The following RALGPS1 variants were observed in gnomAD, a reference collection of about 807,000 sequenced individuals.
The protein encoded by RALGPS1 is Ral GEF with PH domain and SH3 binding motif 1, also known as ras-specific guanine nucleotide-releasing factor RalGPS1.
Under a neutral mutation model 78.8 loss-of-function variants are expected in RALGPS1, and 19 were observed. The observed-to-expected ratio is 0.24, with a 90% confidence interval of 0.17 to 0.35. The LOEUF (loss-of-function observed/expected upper bound fraction) is 0.35, where lower values mean the gene tolerates loss of function less well. Among genes scored for constraint, RALGPS1 ranks in the 10% least tolerant of loss-of-function variants. The pLI is 1.00. For synonymous variants in RALGPS1, 228 were observed against 256.3 expected, an observed-to-expected ratio of 0.89 and a Z score of 1.06; for missense variants, 454 against 688.3, an observed-to-expected ratio of 0.66 and a Z score of 3.81.
At chr9:127,124,894 C>T (rs2056494656) in intron 8 of RALGPS1, among the ~76,000 whole-genome samples, 1 of 152,178 alleles carries the variant, frequency 6.6e-6, no homozygotes, top group Admixed American at 6.5e-5. Flanking sequence ...AGCACAAGCC[C>T]CTTGGTTACT....
intron 1 of RALGPS1, among the ~76,000 whole-genome samples, chr9:126,956,677 CTGA>C (rs1564304835): frequency 6.6e-6 from 1 of 152,166 alleles, no homozygotes; most frequent in African/African-American, 2.4e-5. Flanking sequence ...GAACCCACTG[CTGA>C]TGATCCCCTT....
Position 127,212,111 on chromosome 9 carries a change from G to C in RALGPS1, c.1248-20G>C. The C allele has an allele frequency of 1.3e-6, 2 of 1,596,484 alleles. No individual in the cohort carries two copies. The highest frequency in any genetic ancestry group is 1.7e-6 in the Non-Finnish European group (2 of 1,170,116). ...CCTCAGCTCCTCCAGGGCGATGTCT[G>C]ACTGGTAGTCTCTCCTCAGCCCCAC... On this transcript the variant is annotated intron_variant, in intron 14 of 18. Coordinates refer to ENST00000259351, the MANE Select transcript of RALGPS1 (RefSeq NM_014636.3). The surrounding 1 kb of genome is among the most constrained non-coding windows in gnomAD (Gnocchi z 6.0).
At chr9:126,928,474 C>T (rs2035503567) in intron 1 of RALGPS1, among the ~76,000 whole-genome samples, 1 of 152,212 alleles carries the variant, frequency 6.6e-6, no homozygotes. Context: ...ATATGTGTAC[C>T]AGTACAGAAC....
chr9:126,982,938 T>C (rs1367613472), intron 4 of RALGPS1, among the ~76,000 whole-genome samples: 2 of 127,160 alleles, frequency 1.6e-5, no homozygotes, highest in Non-Finnish European at 3.4e-5. Flanking sequence ...CTTTTTTTTT[T>C]TTTTTTTTTT....
rs1051848684 is a variant in RALGPS1, at chr9:127,183,403, G to T, written c.910+8621G>T. 6.6e-6 allele frequency among the ~76,000 whole-genome samples: 1 copy of T among 152,172 alleles called. No individual in the cohort carries two copies. The highest frequency in any genetic ancestry group is 2.4e-5 in the African/African-American group (1 of 41,426). ...CCGCAAAGTCTGGTGCCCACTGCCA[G>T]CTTCCTGATGTTTGGGTCCCCTCCA... On this transcript the variant is annotated intron_variant, in intron 11 of 18. Coordinates refer to ENST00000259351, the MANE Select transcript of RALGPS1 (RefSeq NM_014636.3). The surrounding 1 kb of genome is among the most constrained non-coding windows in gnomAD (Gnocchi z 4.0).
At chr9:127,167,168 GA>G (rs1163702966) in intron 9 of RALGPS1, among the ~76,000 whole-genome samples, 1 of 152,196 alleles carries the variant, frequency 6.6e-6, no homozygotes, top group African/African-American at 2.4e-5. Context: ...TAGGGTGTGA[GA>G]AAATCCACAG....
At chr9:126,966,173 A>G (rs2039470396) in intron 3 of RALGPS1, among the ~76,000 whole-genome samples, 1 of 152,162 alleles carries the variant, frequency 6.6e-6, no homozygotes, top group Non-Finnish European at 1.5e-5. Context: ...ATATATATAA[A>G]TGTGAAAGGA....
intron 1 of RALGPS1, among the ~76,000 whole-genome samples, chr9:126,929,588 A>G (rs1029745147): frequency 6.6e-6 from 1 of 151,760 alleles, no homozygotes; most frequent in Non-Finnish European, 1.5e-5. Flanking sequence ...AGTAGCTGGG[A>G]TTACAGGCAT....
At chr9:127,164,796 T>A (rs1371438036) in intron 8 of RALGPS1, among the ~76,000 whole-genome samples, 2 of 152,124 alleles carry the variant, frequency 1.3e-5, no homozygotes, top group Non-Finnish European at 2.9e-5. Context: ...CACCTCGGCC[T>A]CCCAAAGTGG....
At chr9:127,142,872 G>A (rs1011254239) in intron 8 of RALGPS1, among the ~76,000 whole-genome samples, 4 of 151,966 alleles carry the variant, frequency 2.6e-5, no homozygotes, top group Non-Finnish European at 5.9e-5. Flanking sequence ...AAATCTGGAC[G>A]GTAAATAACA....
At position 127,040,616 on chromosome 9, in the gene RALGPS1, A is replaced by G. The variant is rs546879774; in HGVS notation, c.300+6102A>G. Among the ~76,000 whole-genome samples the G allele has an allele frequency of 2.0e-5, 3 of 152,244 alleles. No individual in the cohort carries two copies. In the East Asian group the frequency reaches 5.8e-4, roughly 29 times the overall value. On this transcript the variant is annotated intron_variant, in intron 5 of 18. Transcript: ENST00000259351. ...TTCTGACATAGAGCAGGTCTGGGAA[A>G]TCAAGAAGAAAGAGGTGGCTGAGGT...
rs191656291 is a variant in RALGPS1, at chr9:127,091,588, C to T, written c.610+22232C>T. On this transcript the variant is annotated intron_variant, in intron 8 of 18. Transcript: ENST00000259351. The surrounding 1 kb of genome is among the most constrained non-coding windows in gnomAD (Gnocchi z 4.3). Reference sequence around the variant, plus strand: ...TTCTCACCCTGGGATCTTCCCGTTTCCAAGCCCTGGAGTCAGGGGCTCTGG... The same window carrying T: ...TTCTCACCCTGGGATCTTCCCGTTTTCAAGCCCTGGAGTCAGGGGCTCTGG... 14,672 of 1,530,188 alleles carry T rather than the reference C, an allele frequency of 9.6e-3. 101 individuals are homozygous for T. Among genetic ancestry groups the T allele is most frequent in the Non-Finnish European group, 0.012 (13,248 of 1,138,444 alleles). The allele number at this position is 1,530,188 out of a possible 1,614,324, so 94.8% of individuals were successfully genotyped here. A position where few individuals can be genotyped will look rare whatever the true frequency, so the allele number is the denominator to read the frequency against.
At chr9:127,176,519 T>C (rs1427447083) in intron 11 of RALGPS1, among the ~76,000 whole-genome samples, 1 of 152,198 alleles carries the variant, frequency 6.6e-6, no homozygotes, top group Non-Finnish European at 1.5e-5. Flanking sequence ...CATCGGGAGA[T>C]AGTGCCAGAA....
chr9:126,968,128 G>T (rs1365528205), intron 3 of RALGPS1, among the ~76,000 whole-genome samples: 2 of 150,630 alleles, frequency 1.3e-5, no homozygotes, highest in Admixed American at 1.3e-4. Flanking sequence ...TCAGCCTCCC[G>T]AGTAGCTGGG....
intron 11 of RALGPS1, among the ~76,000 whole-genome samples, chr9:127,190,568 T>C (rs891003471): frequency 6.6e-6 from 1 of 152,246 alleles, no homozygotes; most frequent in African/African-American, 2.4e-5. Context: ...TTTATCTGTA[T>C]TGATACCTGT....
chr9:126,992,050 C>G (rs911054323), intron 4 of RALGPS1, among the ~76,000 whole-genome samples: 1 of 152,152 alleles, frequency 6.6e-6, no homozygotes, highest in African/African-American at 2.4e-5. Flanking sequence ...TGATGAATGA[C>G]AGGTGTGTAG....
At position 127,212,205 on chromosome 9, in the gene RALGPS1, A is replaced by G; in HGVS notation, c.1322A>G (p.Lys441Arg). 6.2e-7 allele frequency: 1 copy of G among 1,613,870 alleles called. No individual in the cohort carries two copies. Among genetic ancestry groups the G allele is most frequent in the East Asian group, 2.2e-5 (1 of 44,868 alleles). Residue 441 changes from lysine to arginine, a missense_variant, in exon 15 of 19, where the codon AAA (lysine) becomes AGA (arginine). By Grantham distance (26) the Lys-to-Arg change is conservative (BLOSUM62 2). Transcript: ENST00000259351. This position sits in a 1 kb window ranked among gnomAD's most constrained non-coding sequence, Gnocchi z 6.0. ...VPTMEGPLRRKTLLKEGRKPA... is the reference protein window; with the variant it reads ...VPTMEGPLRRRTLLKEGRKPA... ...ACCATGGAGGGGCCTCTGAGAAGAA[A>G]AACCCTGCTCAAGGAAGGGCGGAAG...
intron 5 of RALGPS1, among the ~76,000 whole-genome samples, chr9:127,046,741 G>A (rs896370322): frequency 2.6e-5 from 4 of 150,946 alleles, no homozygotes; most frequent in African/African-American, 9.7e-5. Flanking sequence ...TTGACAGGCT[G>A]AGGTGGGAGG....
intron 8 of RALGPS1, among the ~76,000 whole-genome samples, chr9:127,097,084 A>G (rs1332592475): frequency 1.3e-5 from 2 of 152,334 alleles, no homozygotes; most frequent in Admixed American, 1.3e-4. Context: ...TGTCCTTAGA[A>G]CTAATGTTAA....
Sources: gnomAD v4.1 joint callset for allele counts (sites outside exome capture counted in the v4.1 genomes callset) on GRCh38, gnomAD v4.1.1 for gene constraint, Gnocchi (gnomAD v3.1) non-coding constraint, MANE v1.5 for transcripts, NCBI Gene and HGNC (gene_info 2026-07-23, HGNC 2026-07-21) for gene names.